The following PAK4 variants were observed in gnomAD, a reference collection of about 807,000 sequenced individuals.
PAK4 encodes the protein serine/threonine-protein kinase PAK 4.
In PAK4, 49 loss-of-function variants were observed where a neutral mutation model predicts 53.5. The observed-to-expected ratio is 0.92, with a 90% CI of 0.73 to 1.16. The LOEUF (loss-of-function observed/expected upper bound fraction) is 1.16, where lower values mean the gene tolerates loss of function less well. Among genes scored for constraint, PAK4 ranks in the 50% most tolerant of loss-of-function variants. PAK4 has a pLI of 0.00. For synonymous variants in PAK4, 376 were observed against 375.6 expected, an observed-to-expected ratio of 1.00 and a Z score of -0.01; for missense variants, 824 against 850.7, an observed-to-expected ratio of 0.97 and a Z score of 0.39.
At chr19:39,135,397 G>A (rs1050895453) in intron 1 of PAK4, among the ~76,000 whole-genome samples, 15 of 134,620 alleles carry the variant, frequency 1.1e-4, no homozygotes, top group Non-Finnish European at 2.0e-4. Flanking sequence ...GTGCAGCAGC[G>A]CGATCTCAGC....
chr19:39,146,458 G>T (rs2074000718), intron 1 of PAK4, among the ~76,000 whole-genome samples: 1 of 152,162 alleles, frequency 6.6e-6, no homozygotes, highest in South Asian at 2.1e-4. Flanking sequence ...GTTGGGAAAG[G>T]GTCTGGCATT....
At position 39,161,576 on chromosome 19, in the gene PAK4, A is replaced by C. The variant is rs1486403806; in HGVS notation, c.-22-7956A>C. 8.4e-5 allele frequency among the ~76,000 whole-genome samples: 12 copies of C among 142,246 alleles called. No individual in the cohort carries two copies. The highest frequency in any genetic ancestry group is 2.9e-4 in the African/African-American group (11 of 37,908). The allele number at this position is 142,246 out of a possible 152,430, so 93.3% of individuals were successfully genotyped here. A position where few individuals can be genotyped will look rare whatever the true frequency, so the allele number is the denominator to read the frequency against. On this transcript the variant is annotated intron_variant, in intron 1 of 8. Coordinates refer to ENST00000358301, the Ensembl canonical transcript of PAK4. The surrounding 1 kb of genome is among the most constrained non-coding windows in gnomAD (Gnocchi z 4.5). ...TGGTCCCCCTTTCCGTTCTGCCCCC[A>C]CAGACTGTTCCCAGCCAGTGGGAGC...
chr19:39,169,764 G>T lies in PAK4; in HGVS notation c.204+7G>T. ...CCAGCCCGGGGCCCCCAAGGTATGT[G>T]GCACCCACCACCACCTCCCCCAGCC... On this transcript the variant is annotated splice_region_variant and intron_variant, in intron 2 of 8. Coordinates refer to ENST00000358301, the Ensembl canonical transcript of PAK4. The T allele has an allele frequency of 1.9e-6, 3 of 1,586,102 alleles. No homozygotes were observed. The highest frequency in any genetic ancestry group is 2.6e-6 in the Non-Finnish European group (3 of 1,165,152).
intron 1 of PAK4, among the ~76,000 whole-genome samples, chr19:39,167,187 G>C (rs902713779): frequency 6.6e-6 from 1 of 152,180 alleles, no homozygotes; most frequent in South Asian, 2.1e-4. Context: ...TCCTCTTCCC[G>C]TGGCTCTGGG....
At chr19:39,167,240 G>T (rs560220157) in intron 1 of PAK4, among the ~76,000 whole-genome samples, 1 of 152,238 alleles carries the variant, frequency 6.6e-6, no homozygotes, top group South Asian at 2.1e-4. Context: ...GGGATGGGGC[G>T]GGGCGACAGG....
chr19:39,155,015 C>T (rs1248625176), intron 1 of PAK4, among the ~76,000 whole-genome samples: 1 of 152,248 alleles, frequency 6.6e-6, no homozygotes, highest in Non-Finnish European at 1.5e-5. Flanking sequence ...GAGATAACAT[C>T]TGCCCTTGAG....
exon 9 of PAK4, chr19:39,179,062 G>A (rs1259519286): frequency 1.3e-5 from 2 of 153,064 alleles, no homozygotes; most frequent in Non-Finnish European, 2.9e-5. Context: ...AGCCATTGTG[G>A]GGGTCGATCA....
intron 1 of PAK4, among the ~76,000 whole-genome samples, chr19:39,158,524 ACT>A (rs2074231964): frequency 6.6e-6 from 1 of 151,810 alleles, no homozygotes; most frequent in Non-Finnish European, 1.5e-5. Flanking sequence ...GCTCCCACAC[ACT>A]CTCTGTTGTG....
At chr19:39,170,664 A>G (rs1020801339) in intron 2 of PAK4, among the ~76,000 whole-genome samples, 18 of 151,886 alleles carry the variant, frequency 1.2e-4, no homozygotes, top group African/African-American at 4.4e-4. Context: ...GTGCCTGGGG[A>G]CTCACCCTCC....
intron 1 of PAK4, among the ~76,000 whole-genome samples, chr19:39,129,070 G>T (rs2073648223): frequency 6.6e-6 from 1 of 152,102 alleles, no homozygotes; most frequent in Admixed American, 6.5e-5. Flanking sequence ...TGCTGTTTTT[G>T]TTCAACATTA....
chr19:39,175,327 G>C lies in PAK4; in HGVS notation c.1248G>C (p.Gln416His). 1 of 1,586,898 alleles carries C rather than the reference G, an allele frequency of 6.3e-7. No individual in the cohort carries two copies. The highest frequency in any genetic ancestry group is 2.3e-5 in the East Asian group (1 of 43,908). The stretch of plus-strand genomic sequence containing the variant: ...CACCCCGCAGGATGAACGAGGAGCA[G>C]ATCGCGGCCGTGTGCCTTGCAGTGC... The change falls in exon 6 of 9, where the codon CAG becomes CAC. Residue 416 changes from glutamine (Q) to histidine (H), a missense_variant. Around this residue, in one of 2 missense-constraint regions of PAK4, gnomAD observed 346 missense variants for 415.0 expected, o/e 0.83. Transcript: ENST00000358301. This position sits in a 1 kb window ranked among gnomAD's most constrained non-coding sequence, Gnocchi z 4.7.
intron 1 of PAK4, among the ~76,000 whole-genome samples, chr19:39,145,652 G>C (rs1419001346): frequency 6.6e-6 from 1 of 152,162 alleles, no homozygotes; most frequent in African/African-American, 2.4e-5. Context: ...GGCCCTCCCT[G>C]AGCTTATGTA....
downstream of PAK4, chr19:39,182,503 A>G (rs1425987981): frequency 6.6e-6 from 1 of 152,224 alleles, no homozygotes; most frequent in African/African-American, 2.4e-5. Flanking sequence ...AGGGCTTCAT[A>G]TACAATCAGG....
chr19:39,170,369 T>C (rs1267223335), intron 2 of PAK4, among the ~76,000 whole-genome samples: 2 of 152,162 alleles, frequency 1.3e-5, no homozygotes, highest in East Asian at 3.9e-4. Flanking sequence ...GTTTTTTTTT[T>C]TCTTCCTGCC....
chr19:39,148,466 CTTTTTT>C (rs74176491), intron 1 of PAK4, among the ~76,000 whole-genome samples: 9 of 56,798 alleles, frequency 1.6e-4, no homozygotes, highest in Admixed American at 3.4e-4. Flanking sequence ...GTTTCTTCTG[CTTTTTT>C]TTTTTTTTTT....
In PAK4 at chr19:39,175,989, GTC is replaced by G. The variant is rs1320032620; in HGVS notation, c.1359+553_1359+554del. On this transcript the variant is annotated intron_variant, in intron 6 of 8. Transcript: ENST00000358301. This position sits in a 1 kb window ranked among gnomAD's most constrained non-coding sequence, Gnocchi z 4.7. ...CAGAGAGAGCTCTGTGTCACTGACA[GTC>G]TGAAAATCTCCAGATGTCTATAGAT... Among the ~76,000 whole-genome samples, 1 of 152,228 alleles carries G rather than the reference GTC, an allele frequency of 6.6e-6. No homozygotes were observed. The highest frequency in any genetic ancestry group is 2.4e-5 in the African/African-American group (1 of 41,462).
intron 1 of PAK4, among the ~76,000 whole-genome samples, chr19:39,150,035 T>C (rs1406555837): frequency 6.6e-6 from 1 of 152,206 alleles, no homozygotes; most frequent in African/African-American, 2.4e-5. Flanking sequence ...ATTGTGGATA[T>C]ATTTAATGCC....
intron 1 of PAK4, among the ~76,000 whole-genome samples, chr19:39,167,515 C>T (rs2074397386): frequency 6.6e-6 from 1 of 152,074 alleles, no homozygotes. Context: ...GCATTGGGCT[C>T]AGAGAAGGGG....
intron 1 of PAK4, among the ~76,000 whole-genome samples, chr19:39,154,936 C>G (rs1223229844): frequency 2.0e-5 from 3 of 152,180 alleles, no homozygotes; most frequent in Admixed American, 2.0e-4. Flanking sequence ...AGGGGGTGGA[C>G]AGAGGTGGGG....
Sources: gnomAD v4.1 joint callset for allele counts (sites outside exome capture counted in the v4.1 genomes callset) on GRCh38, gnomAD v4.1.1 for gene constraint, gnomAD v4.1.1 regional missense constraint, Gnocchi (gnomAD v3.1) non-coding constraint, MANE v1.5 for transcripts, NCBI Gene and HGNC (gene_info 2026-07-23, HGNC 2026-07-21) for gene names.